Variants in MSTO1 observed in about 807,000 individuals in gnomAD.
The protein encoded by MSTO1 is misato mitochondrial distribution and morphology regulator 1.
MSTO1 carries 24 observed loss-of-function variants against 55.7 expected under a neutral mutation model. That is an observed-to-expected ratio of 0.43 (90% CI 0.31 to 0.61). The LOEUF (loss-of-function observed/expected upper bound fraction) is 0.61, where lower values mean the gene tolerates loss of function less well. Among genes scored for constraint, MSTO1 ranks in the 20% least tolerant of loss-of-function variants. The pLI is 0.09. For missense variants in MSTO1, 363 were observed against 625.7 expected, an observed-to-expected ratio of 0.58 and a Z score of 4.48; for synonymous variants, 162 against 252.8, an observed-to-expected ratio of 0.64 and a Z score of 3.41.
At chr1:155,595,039 G>C in the MSTO1 span, among the ~76,000 whole-genome samples, 1 of 151,636 alleles carries the variant, frequency 6.6e-6, no homozygotes, top group African/African-American at 2.4e-5. Flanking sequence ...TTGGGAGGCT[G>C]AGGCATGAGA....
At chr1:155,593,253 A>T in the MSTO1 span, among the ~76,000 whole-genome samples, 3 of 152,176 alleles carry the variant, frequency 2.0e-5, no homozygotes, top group African/African-American at 7.2e-5. Context: ...CCTTCACTGC[A>T]TGTCTTCAAT....
chr1:155,575,270 A>G, the MSTO1 span, among the ~76,000 whole-genome samples: 1 of 151,560 alleles, frequency 6.6e-6, no homozygotes, highest in Admixed American at 6.6e-5. Flanking sequence ...TCCAACACAT[A>G]TCATTGTCAG....
rs1406243639 is a variant in MSTO1 at position 155,612,019 on chromosome 1, A to G, written c.597A>G (p.Glu199=). Residue 199 remains glutamate (E), a synonymous_variant, in exon 7 of 14, where the codon GAA becomes GAG. Coordinates refer to ENST00000245564, the MANE Select transcript of MSTO1 (RefSeq NM_018116.4). ...AGRLEAFGQG[E]SVLKEPKYQE... is the part of the protein sequence containing the mutation. ...GGCTGGAGGCTTTTGGCCAAGGGGA[A>G]AGTGTCCTAAAGGAACCCAAGTACC... 8.3e-6 allele frequency: 13 copies of G among 1,569,692 alleles called. No individual in the cohort carries two copies. In the Admixed American group the frequency reaches 2.0e-4, roughly 24 times the overall value.
At chr1:155,576,484 G>T in the MSTO1 span, among the ~76,000 whole-genome samples, 2 of 151,446 alleles carry the variant, frequency 1.3e-5, no homozygotes, top group African/African-American at 4.8e-5. Flanking sequence ...GCACCACCAC[G>T]CCCATCTAAG....
the MSTO1 span, among the ~76,000 whole-genome samples, chr1:155,592,835 C>T: frequency 6.6e-6 from 1 of 151,924 alleles, no homozygotes; most frequent in East Asian, 1.9e-4. Context: ...GAGCGAGCCA[C>T]TGTGCCCAGC....
the MSTO1 span, among the ~76,000 whole-genome samples, chr1:155,566,843 G>A: frequency 1.3e-5 from 2 of 151,850 alleles, no homozygotes; most frequent in Non-Finnish European, 2.9e-5. Flanking sequence ...TTGAACTCCC[G>A]ACCTCAGGTG....
chr1:155,586,072 T>G, the MSTO1 span, among the ~76,000 whole-genome samples: 49 of 152,314 alleles, frequency 3.2e-4, no homozygotes, highest in African/African-American at 1.1e-3. Flanking sequence ...CTATCCAATG[T>G]TCTGTCAATG....
intron 4 of MSTO1, 56 bp from the exon 5 acceptor site, chr1:155,611,493 A>C: frequency 2.5e-6 from 4 of 1,613,834 alleles, no homozygotes; most frequent in Non-Finnish European, 3.4e-6. Context: ...AGGACGAAGC[A>C]ACCTTTGCCT....
chr1:155,574,961 G>T, the MSTO1 span, among the ~76,000 whole-genome samples: 1 of 151,452 alleles, frequency 6.6e-6, no homozygotes, highest in Non-Finnish European at 1.5e-5. Flanking sequence ...CCACCTCCCG[G>T]GTTCAAGCGA....
the MSTO1 span, among the ~76,000 whole-genome samples, chr1:155,601,809 C>A: frequency 6.6e-6 from 1 of 152,052 alleles, no homozygotes; most frequent in African/African-American, 2.4e-5. Context: ...GGCTGGAGTG[C>A]AGTGGCGCAA....
At chr1:155,607,474 G>C (rs1050520237), upstream of MSTO1, among the ~76,000 whole-genome samples, 1 of 152,126 alleles carries the variant, frequency 6.6e-6, no homozygotes, top group African/African-American at 2.4e-5. Context: ...GCGCCTAGCC[G>C]AGTTTAGGTT....
chr1:155,605,027 G>T, the MSTO1 span, among the ~76,000 whole-genome samples: 6 of 152,236 alleles, frequency 3.9e-5, no homozygotes, highest in Admixed American at 3.9e-4. Flanking sequence ...TTGGGAGGCT[G>T]AGGCAGGCGG....
the MSTO1 span, among the ~76,000 whole-genome samples, chr1:155,585,814 T>A: frequency 6.6e-6 from 1 of 152,174 alleles, no homozygotes; most frequent in Non-Finnish European, 1.5e-5. Flanking sequence ...CCCCCATCTT[T>A]TTCCTTTCTC....
chr1:155,583,366 C>T, the MSTO1 span, among the ~76,000 whole-genome samples: 1 of 151,696 alleles, frequency 6.6e-6, no homozygotes, highest in East Asian at 2.0e-4. Context: ...ATAGCCAGAC[C>T]CCATCTCTAT....
chr1:155,600,973 GC>G, the MSTO1 span, among the ~76,000 whole-genome samples: 14 of 145,218 alleles, frequency 9.6e-5, no homozygotes, highest in African/African-American at 3.6e-4. Context: ...ACTGTGCTAG[GC>G]CTTTTTTTTT....
chr1:155,575,796 TTTTATTTATTTA>T, the MSTO1 span, among the ~76,000 whole-genome samples: 1,898 of 144,698 alleles, frequency 0.013, 41 homozygotes, highest in African/African-American at 0.042. Context: ...CTTATTTTAT[TTTTATTTATTTA>T]TTTATTTATT....
intron 13 of MSTO1, 69 bp from the exon 14 acceptor site, chr1:155,613,990 T>A: frequency 1.9e-6 from 3 of 1,605,136 alleles, no homozygotes; most frequent in Non-Finnish European, 2.6e-6. Flanking sequence ...GACTTCCTTA[T>A]CAGTTTGGCA....
chr1:155,596,070 C>T, the MSTO1 span, among the ~76,000 whole-genome samples: 2,492 of 152,276 alleles, frequency 0.016, 36 homozygotes, highest in Non-Finnish European at 0.026. Flanking sequence ...TGCCCCTACC[C>T]TCTGAGTCTT....
the MSTO1 span, among the ~76,000 whole-genome samples, chr1:155,566,624 T>A: frequency 6.6e-6 from 1 of 152,106 alleles, no homozygotes; most frequent in Admixed American, 6.5e-5. Flanking sequence ...TTTTTTTTTT[T>A]TTATTCTTGA....
Sources: gnomAD v4.1 joint callset for allele counts (sites outside exome capture counted in the v4.1 genomes callset) on GRCh38, gnomAD v4.1.1 for gene constraint, MANE v1.5 for transcripts, NCBI Gene and HGNC (gene_info 2026-07-23, HGNC 2026-07-21) for gene names.